The following A1CF variants were observed in gnomAD, a reference collection of about 807,000 sequenced individuals.
A1CF encodes APOBEC1 complementation factor.
A1CF carries 48 observed loss-of-function variants against 68.9 expected under a neutral mutation model. The ratio of observed to expected loss-of-function variants is 0.70; its 90% CI spans 0.55 to 0.89. The LOEUF (loss-of-function observed/expected upper bound fraction) is 0.89. Among genes scored for constraint, A1CF ranks in the 40% least tolerant of loss-of-function variants. The probability of loss-of-function intolerance (pLI) is 0.00; values close to 1 mark genes in which losing one functional copy is unlikely to be tolerated. For missense variants in A1CF, 653 were observed against 718.9 expected (o/e 0.91, Z 1.05); for synonymous variants, 272 against 260.4 (o/e 1.04, Z -0.43).
At chr10:50,856,794 T>C (rs1487921863) in intron 3 of A1CF, among the ~76,000 whole-genome samples, 3 of 152,078 alleles carry the variant, frequency 2.0e-5, no homozygotes. Flanking sequence ...ATTATTACAA[T>C]TAACTTGTGG....
chr10:50,811,054 G>A lies in A1CF; in HGVS notation c.1446C>T (p.Ser482=), dbSNP rs1838086075. The change falls in exon 11 of 13, where the codon AGC becomes AGT. Residue 482 remains serine (S), a synonymous_variant. Transcript: ENST00000373997. ...AAGTTACGCACATTGCAGGATTCTG[G>A]CTGGCTAGAGCAGGAATAGTTATTT... ...LYKITIPALA[S]QNPAIHPFTP... The A allele has an allele frequency of 6.2e-7, 1 of 1,612,648 alleles. No homozygotes were observed. Among genetic ancestry groups the A allele is most frequent in the Admixed American group, 1.7e-5 (1 of 59,942 alleles).
intron 1 of A1CF, among the ~76,000 whole-genome samples, chr10:50,879,865 A>C (rs987843005): frequency 1.3e-5 from 2 of 152,204 alleles, no homozygotes; most frequent in Non-Finnish European, 2.9e-5. Flanking sequence ...CCAAGTCACA[A>C]AATGGGTCTC....
At chr10:50,865,329 C>T (rs1840938257) in intron 1 of A1CF, among the ~76,000 whole-genome samples, 1 of 151,940 alleles carries the variant, frequency 6.6e-6, no homozygotes. Context: ...AAAATAAATA[C>T]AATTAGGATG....
rs894905754 is a variant in A1CF, at chr10:50,804,447, T to C, written c.*2282A>G. ...CCCTTTGCTGTTTATTTGCAAAGATTTTAAGGAAAATCAGAACTTTTGCTC... is the reference window on the plus strand; with the variant it reads ...CCCTTTGCTGTTTATTTGCAAAGATCTTAAGGAAAATCAGAACTTTTGCTC... On this transcript the variant is annotated 3_prime_UTR_variant, in exon 13 of 13. Coordinates refer to ENST00000373997, the MANE Select transcript of A1CF (RefSeq NM_014576.4). The C allele has an allele frequency of 6.6e-6, 1 of 152,212 alleles. No individual in the cohort carries two copies. 9.4% of individuals were successfully genotyped at this position (152,212 alleles called of 1,614,324 possible).
At chr10:50,869,311 A>G (rs1334346754) in intron 1 of A1CF, among the ~76,000 whole-genome samples, 1 of 152,048 alleles carries the variant, frequency 6.6e-6, no homozygotes, top group Non-Finnish European at 1.5e-5. Context: ...GGCATATAGA[A>G]GGTGCTGTAG....
chr10:50,812,338 C>A (rs1014967789), intron 10 of A1CF, among the ~76,000 whole-genome samples: 1 of 152,190 alleles, frequency 6.6e-6, no homozygotes, highest in South Asian at 2.1e-4. Context: ...GTTTAGGCCC[C>A]ATCTGTGTTG....
At chr10:50,813,787 C>T (rs565350182) in intron 10 of A1CF, 70 bp downstream of exon 10, 167 of 1,517,864 alleles carry the variant, frequency 1.1e-4, no homozygotes, top group Non-Finnish European at 1.5e-4. Flanking sequence ...CAAGTCAAAT[C>T]ATTTGATAAA....
intron 1 of A1CF, among the ~76,000 whole-genome samples, chr10:50,880,929 G>A (rs945200801): frequency 1.3e-4 from 19 of 151,964 alleles, no homozygotes; most frequent in African/African-American, 4.6e-4. Flanking sequence ...CCCATATGGG[G>A]GTGGTTCTTC....
chr10:50,823,551 C>G (rs544314190), intron 7 of A1CF: 34 of 152,262 alleles, frequency 2.2e-4, no homozygotes, highest in East Asian at 9.7e-4. Flanking sequence ...GGTGCCCTGA[C>G]CAGCAGAATC....
chr10:50,822,133 T>A (rs1480841714), intron 7 of A1CF, among the ~76,000 whole-genome samples: 1 of 152,218 alleles, frequency 6.6e-6, no homozygotes, highest in Admixed American at 6.5e-5. Flanking sequence ...AAACCAACTA[T>A]CTATTTTTAT....
chr10:50,855,711 A>G (rs1312137562), intron 3 of A1CF, among the ~76,000 whole-genome samples: 1 of 151,986 alleles, frequency 6.6e-6, no homozygotes, highest in East Asian at 1.9e-4. Flanking sequence ...CCTGCTAGTG[A>G]TAAGAGAGCA....
chr10:50,808,420 C>T (rs979876629), intron 12 of A1CF, among the ~76,000 whole-genome samples: 4 of 152,242 alleles, frequency 2.6e-5, no homozygotes, highest in Non-Finnish European at 5.9e-5. Flanking sequence ...AAAATTCTGA[C>T]AGTGGCTCAT....
chr10:50,876,249 G>A (rs995872021), intron 1 of A1CF, among the ~76,000 whole-genome samples: 21 of 152,214 alleles, frequency 1.4e-4, no homozygotes, highest in African/African-American at 9.7e-5. Context: ...TAAATTCTGA[G>A]AGGTCAGTGT....
intron 4 of A1CF, 134 bp downstream of exon 4, chr10:50,843,854 T>C (rs946092236): frequency 4.2e-5 from 46 of 1,094,584 alleles, no homozygotes; most frequent in Middle Eastern, 3.1e-4. Context: ...CTAGAAACTT[T>C]GTCTATAATT....
chr10:50,840,958 T>A (rs766502376), intron 5 of A1CF, among the ~76,000 whole-genome samples: 4 of 152,186 alleles, frequency 2.6e-5, no homozygotes, highest in Non-Finnish European at 5.9e-5. Context: ...TTTGTGTATA[T>A]CCCAGATCTC....
chr10:50,841,030 A>G (rs1307874585), intron 5 of A1CF, among the ~76,000 whole-genome samples: 1 of 152,128 alleles, frequency 6.6e-6, no homozygotes, highest in South Asian at 2.1e-4. Flanking sequence ...TCTTGTCCAA[A>G]TCTAGACAAC....
intron 5 of A1CF, among the ~76,000 whole-genome samples, chr10:50,841,312 A>AT (rs1239944301): frequency 6.6e-6 from 1 of 152,012 alleles, no homozygotes; most frequent in Non-Finnish European, 1.5e-5. Flanking sequence ...CCCCTCAAAC[A>AT]TATCACGCTT....
At chr10:50,851,418 A>G (rs146092718) in intron 3 of A1CF, among the ~76,000 whole-genome samples, 2 of 152,364 alleles carry the variant, frequency 1.3e-5, no homozygotes, top group East Asian at 1.9e-4. Context: ...TCCATGTCCA[A>G]TTGACATCTA....
intron 1 of A1CF, among the ~76,000 whole-genome samples, chr10:50,882,941 G>A (rs908605346): frequency 1.3e-5 from 2 of 152,142 alleles, no homozygotes; most frequent in African/African-American, 4.8e-5. Context: ...TGTCCCATGG[G>A]TTTGGGTGAA....
Sources: gnomAD v4.1 joint callset for allele counts (sites outside exome capture counted in the v4.1 genomes callset) on GRCh38, gnomAD v4.1.1 for gene constraint, MANE v1.5 for transcripts, NCBI Gene and HGNC (gene_info 2026-07-23, HGNC 2026-07-21) for gene names.